The following EFNA5 variants were observed in gnomAD, a reference collection of about 807,000 sequenced individuals.
The protein encoded by EFNA5 is ephrin A5, also known as ephrin-A5.
Under a neutral mutation model 22.9 loss-of-function variants are expected in EFNA5, and 5 were observed. That is an observed-to-expected ratio of 0.22 (90% CI 0.11 to 0.46). The LOEUF (loss-of-function observed/expected upper bound fraction) is 0.46. Ranked by LOEUF, EFNA5 falls within the 20% of genes least tolerant of loss-of-function variation. The pLI, the probability that EFNA5 is intolerant of heterozygous loss-of-function variation, is 0.99. For missense variants in EFNA5, 237 were observed against 293.3 expected, an observed-to-expected ratio of 0.81 and a Z score of 1.40; for synonymous variants, 113 against 112.2, an observed-to-expected ratio of 1.01 and a Z score of -0.04.
rs142563488 is a variant in EFNA5, at chr5:107,608,271, G to A, written c.125+62218C>T. Among the ~76,000 whole-genome samples the A allele has an allele frequency of 7.9e-4, 121 of 152,222 alleles. No homozygotes were observed. The South Asian group carries it at 8.3e-3, about 10-fold the overall frequency. On this transcript the variant is annotated intron_variant, in intron 1 of 4. Transcript: ENST00000333274. ...TTCAGTTCAGTCCCCAAATGGCTCC[G>A]CCATTCTGTGATTCACATTGTACCT...
chr5:107,583,247 T>A (rs1267760985), intron 1 of EFNA5, among the ~76,000 whole-genome samples: 2 of 152,140 alleles, frequency 1.3e-5, no homozygotes, highest in Admixed American at 1.3e-4. Flanking sequence ...AAATAGAGCA[T>A]CCTAAGAGAA....
At position 107,537,015 on chromosome 5, in the gene EFNA5, G is replaced by A. The variant is rs537630800; in HGVS notation, c.126-109506C>T. Among the ~76,000 whole-genome samples the A allele has an allele frequency of 2.6e-5, 4 of 151,508 alleles. No individual in the cohort carries two copies. In the East Asian group the frequency reaches 7.9e-4, roughly 30 times the overall value. ...GGCTACTTGGGAGGCTGAGGCAGGA[G>A]AATGGCTTGAACCCAGGAGGCGGAG... On this transcript the variant is annotated intron_variant, in intron 1 of 4. Coordinates refer to ENST00000333274, the MANE Select transcript of EFNA5 (RefSeq NM_001962.3).
chr5:107,657,909 C>T (rs186065600), intron 1 of EFNA5, among the ~76,000 whole-genome samples: 8 of 152,156 alleles, frequency 5.3e-5, no homozygotes, highest in Non-Finnish European at 1.0e-4. Context: ...TAACTAGTTC[C>T]ATTCCTTACT....
intron 1 of EFNA5, among the ~76,000 whole-genome samples, chr5:107,625,017 G>A (rs1243763903): frequency 1.3e-5 from 2 of 152,042 alleles, no homozygotes; most frequent in Non-Finnish European, 2.9e-5. Context: ...CAGCATGCAT[G>A]CACAATGCTG....
At chr5:107,471,291 C>CT (rs1561400724) in intron 1 of EFNA5, among the ~76,000 whole-genome samples, 29 of 152,174 alleles carry the variant, frequency 1.9e-4, no homozygotes, top group African/African-American at 6.3e-4. Flanking sequence ...CTGTTGATTC[C>CT]CCCTTTTTGC....
Position 107,485,931 on chromosome 5 carries a change from G to A in EFNA5, c.126-58422C>T, listed in dbSNP as rs907611837. On this transcript the variant is annotated intron_variant, in intron 1 of 4. Transcript: ENST00000333274. ...ATTGATTTGTTTTCTATTGAACCTC[G>A]CCAACTGGATACTGAAGCGAGCACG... 9.9e-5 allele frequency among the ~76,000 whole-genome samples: 15 copies of A among 151,998 alleles called. No homozygotes were observed. The East Asian group carries it at 2.5e-3, about 25-fold the overall frequency.
Position 107,412,334 on chromosome 5 carries a change from A to T in EFNA5, c.418+14883T>A, listed in dbSNP as rs149753137. ...CCTCAAATGAATTGCCAAAACCATT[A>T]ATCTTTATCTAAGGACCCATAATAG... On this transcript the variant is annotated intron_variant, in intron 2 of 4. Transcript: ENST00000333274. Among the ~76,000 whole-genome samples the T allele has an allele frequency of 9.8e-4, 150 of 152,290 alleles. 1 individual carries two copies. The East Asian group carries it at 0.014, about 14-fold the overall frequency.
chr5:107,392,132 A>T (rs1010480966), intron 2 of EFNA5, among the ~76,000 whole-genome samples: 3 of 152,240 alleles, frequency 2.0e-5, no homozygotes, highest in Non-Finnish European at 4.4e-5. Context: ...AGTAGAGAAC[A>T]CATCCCTTCG....
intron 1 of EFNA5, among the ~76,000 whole-genome samples, chr5:107,485,999 C>T (rs541464942): frequency 1.3e-5 from 2 of 152,204 alleles, no homozygotes; most frequent in East Asian, 1.9e-4. Context: ...ACCTTTAAAA[C>T]GTGCCAAGAC....
In EFNA5 at chr5:107,619,607, C is replaced by T. The variant is rs558948052; in HGVS notation, c.125+50882G>A. ...CCTCTCAAGTAGCTGGGACTACAGG[C>T]ATGCTACCATACCCGGCTAATTTTT... On this transcript the variant is annotated intron_variant, in intron 1 of 4. Coordinates refer to ENST00000333274, the MANE Select transcript of EFNA5 (RefSeq NM_001962.3). 2.6e-5 allele frequency among the ~76,000 whole-genome samples: 4 copies of T among 152,070 alleles called. No individual in the cohort carries two copies. The South Asian group carries it at 8.3e-4, about 32-fold the overall frequency.
intron 1 of EFNA5, among the ~76,000 whole-genome samples, chr5:107,561,333 G>A (rs1748536943): frequency 6.6e-6 from 1 of 152,142 alleles, no homozygotes; most frequent in Non-Finnish European, 1.5e-5. Context: ...AGAGCCATGT[G>A]ACAAGCACCT....
chr5:107,574,279 G>A (rs1748878366), intron 1 of EFNA5, among the ~76,000 whole-genome samples: 1 of 152,110 alleles, frequency 6.6e-6, no homozygotes, highest in South Asian at 2.1e-4. Flanking sequence ...GTACAAGGAA[G>A]ACTTTTATGA....
chr5:107,540,434 G>A (rs544292238), intron 1 of EFNA5, among the ~76,000 whole-genome samples: 1 of 152,230 alleles, frequency 6.6e-6, no homozygotes, highest in South Asian at 2.1e-4. Context: ...TGAAAATTAT[G>A]TCACCGAACA....
At chr5:107,613,601 C>A (rs1290720310) in intron 1 of EFNA5, among the ~76,000 whole-genome samples, 1 of 151,978 alleles carries the variant, frequency 6.6e-6, no homozygotes, top group African/African-American at 2.4e-5. Context: ...ACACAGTGCA[C>A]CTTGAAGGAA....
At chr5:107,385,080 C>T (rs1223089547) in intron 4 of EFNA5, among the ~76,000 whole-genome samples, 3 of 152,074 alleles carry the variant, frequency 2.0e-5, no homozygotes, top group African/African-American at 4.8e-5. Flanking sequence ...CCCCAGCACA[C>T]GTATGCACAC....
chr5:107,430,333 T>G (rs1748915806), intron 1 of EFNA5, among the ~76,000 whole-genome samples: 1 of 152,132 alleles, frequency 6.6e-6, no homozygotes, highest in African/African-American at 2.4e-5. Context: ...CAGAAGGCAA[T>G]GCCCAGATGC....
rs554765607 is a variant in EFNA5, at chr5:107,439,657, C to T, written c.126-12148G>A. On this transcript the variant is annotated intron_variant, in intron 1 of 4. Coordinates refer to ENST00000333274, the MANE Select transcript of EFNA5 (RefSeq NM_001962.3). The stretch of plus-strand genomic sequence containing the variant: ...CTCTGAGCAAATGGCTGCTCTGAGG[C>T]GAGAAGGCACACTATTTTTCTAAGT... Among the ~76,000 whole-genome samples the T allele has an allele frequency of 9.2e-5, 14 of 152,172 alleles. No individual in the cohort carries two copies. The South Asian group carries it at 2.5e-3, about 27-fold the overall frequency.
intron 1 of EFNA5, among the ~76,000 whole-genome samples, chr5:107,584,516 T>C (rs758281644): frequency 1.4e-4 from 22 of 152,262 alleles, no homozygotes; most frequent in Non-Finnish European, 2.6e-4. Context: ...AATTCAATAG[T>C]TGGACATTTC....
intron 1 of EFNA5, among the ~76,000 whole-genome samples, chr5:107,520,302 G>A (rs542943828): frequency 6.6e-6 from 1 of 152,296 alleles, no homozygotes; most frequent in East Asian, 1.9e-4. Context: ...CAATAAGAGT[G>A]AGAAAAGGGT....
Sources: allele counts gnomAD v4.1 joint callset (sites outside exome capture counted in the v4.1 genomes callset), GRCh38; gene constraint gnomAD v4.1.1; transcripts MANE v1.5; gene names NCBI Gene and HGNC (gene_info 2026-07-23, HGNC 2026-07-21).